DYRK4: variants seen among roughly 807,000 people sequenced by gnomAD.
DYRK4 encodes dual specificity tyrosine-phosphorylation-regulated kinase 4.
A neutral mutation model predicts 68.3 loss-of-function variants in DYRK4; 64 were observed. That is an observed-to-expected ratio of 0.94 (90% confidence interval 0.77 to 1.15). The LOEUF (loss-of-function observed/expected upper bound fraction) is 1.15, where lower values mean the gene tolerates loss of function less well. DYRK4 is among the 50% of genes most tolerant of loss of function. The pLI is 0.00. For missense variants in DYRK4, 740 were observed against 764.7 expected, an observed-to-expected ratio of 0.97 and a Z score of 0.38; for synonymous variants, 274 against 289.9, an observed-to-expected ratio of 0.95 and a Z score of 0.56.
intron 3 of DYRK4, among the ~76,000 whole-genome samples, chr12:4,589,469 C>A (rs1277521716): frequency 6.6e-6 from 1 of 152,214 alleles, no homozygotes; most frequent in Non-Finnish European, 1.5e-5. Context: ...CCCCACCTCT[C>A]CCCTGACCAC....
intron 4 of DYRK4, 164 bp downstream of exon 4, chr12:4,590,604 A>G: frequency 7.5e-7 from 1 of 1,336,982 alleles, no homozygotes. Context: ...AAGCTTGAGC[A>G]AATAAGTCCT....
intron 1 of DYRK4, chr12:4,567,533 A>G (rs1369232327): frequency 6.2e-6 from 1 of 162,408 alleles, no homozygotes; most frequent in African/African-American, 2.4e-5. Flanking sequence ...AGATGCAAAC[A>G]TGGCCAAATG....
In DYRK4 at chr12:4,592,802, G is replaced by A. The variant is rs1457161148; in HGVS notation, c.464-200G>A. The A allele has an allele frequency of 9.2e-6, 5 of 543,552 alleles. No homozygotes were observed. In the Admixed American group the frequency reaches 1.1e-4, roughly 12 times the overall value. 33.7% of individuals were successfully genotyped at this position (543,552 alleles called of 1,614,324 possible). A position where few individuals can be genotyped will look rare whatever the true frequency, so the allele number is the denominator to read the frequency against. ...TGTCCTTGTGTTCCTTTCTCGATTT[G>A]TTGAAATAAATACAAGACCTTGACA... On this transcript the variant is annotated intron_variant, in intron 5 of 14. Transcript: ENST00000543431.
In DYRK4 at chr12:4,613,578, C is replaced by G. The variant is rs746739303; in HGVS notation, c.1730C>G (p.Ser577Ter). Residue 577 changes from serine (S) to a stop codon, truncating the protein, a stop_gained, in exon 15 of 15, where the codon TCA becomes TGA. Coordinates refer to ENST00000543431, the MANE Select transcript of DYRK4 (RefSeq NM_001394779.1). LOFTEE classifies it low-confidence loss of function (END_TRUNC). This position sits in a 1 kb window ranked among gnomAD's most constrained non-coding sequence, Gnocchi z 4.0. ...KDSPTKHVQH[S>*]GDQQDCLQHG... ...AGCCCCACGAAGCATGTTCAGCATT[C>G]AGGTGATCAGCAGGACTGTCTCCAG... The G allele has an allele frequency of 6.2e-7, 1 of 1,614,150 alleles. No homozygotes were observed. The highest frequency in any genetic ancestry group is 1.7e-5 in the Admixed American group (1 of 60,030).
Position 4,593,116 on chromosome 12 carries a change from A to G in DYRK4, c.578A>G (p.Glu193Gly). Residue 193 changes from glutamate to glycine, a missense_variant, in exon 6 of 15, where the codon GAG becomes GGG. By Grantham distance (98) the Glu-to-Gly change is moderately conservative (BLOSUM62 -2). This residue lies in a region of DYRK4 where 614 missense variants were observed against 603.7 expected (regional missense o/e 1.02). Transcript: ENST00000543431. ...GCCAAGAAGCTCGACACGGCTCCTG[A>G]GAAATTTAGCAAGACGAGTTTTGAT... is the stretch of plus-strand genomic sequence containing the variant. ...LEAKKLDTAP[E>G]KFSKTSFDDE... 1 of 1,614,172 alleles carries G rather than the reference A, an allele frequency of 6.2e-7. No homozygotes were observed. The highest frequency in any genetic ancestry group is 8.5e-7 in the Non-Finnish European group (1 of 1,180,036).
intron 10 of DYRK4, 148 bp downstream of exon 10, chr12:4,599,936 A>T: frequency 1.5e-6 from 1 of 645,534 alleles, no homozygotes; most frequent in Non-Finnish European, 2.7e-6. Flanking sequence ...TCTGAGCCCA[A>T]GTTGCCTCAT....
intron 1 of DYRK4, among the ~76,000 whole-genome samples, chr12:4,567,733 C>G (rs10849094): frequency 0.049 from 7,531 of 152,214 alleles, 300 homozygotes; most frequent in South Asian, 0.21. Flanking sequence ...AACTGCTAAT[C>G]ACCTGATTAT....
chr12:4,590,806 C>G, intron 4 of DYRK4: 1 of 401,200 alleles, frequency 2.5e-6, no homozygotes, highest in Non-Finnish European at 4.3e-6. Flanking sequence ...AGAGGCGTCA[C>G]ACACACATAA....
chr12:4,569,235 AT>A (rs1944707568), intron 2 of DYRK4, among the ~76,000 whole-genome samples: 2 of 152,302 alleles, frequency 1.3e-5, no homozygotes, highest in Non-Finnish European at 2.9e-5. Flanking sequence ...TATAGGTGCA[AT>A]TTTTAATACC....
chr12:4,598,412 T>C (rs1223721525), intron 8 of DYRK4, among the ~76,000 whole-genome samples: 3 of 152,238 alleles, frequency 2.0e-5, no homozygotes, highest in Non-Finnish European at 4.4e-5. Flanking sequence ...CAATGCATTG[T>C]ATTAATATTA....
chr12:4,581,836 C>T lies in DYRK4; in HGVS notation c.133-7101C>T, dbSNP rs188699111. On this transcript the variant is annotated intron_variant, in intron 2 of 14. Coordinates refer to ENST00000543431, the MANE Select transcript of DYRK4 (RefSeq NM_001394779.1). ...TACTACAGGTTGAGCATCTCTTATCCGAAATTCTTGGGACCAAAAGTGTTT... is the reference window on the plus strand; with the variant it reads ...TACTACAGGTTGAGCATCTCTTATCTGAAATTCTTGGGACCAAAAGTGTTT... Among the ~76,000 whole-genome samples, 255 of 152,204 alleles carry T rather than the reference C, an allele frequency of 1.7e-3. 2 individuals carry two copies. The highest frequency in any genetic ancestry group is 5.7e-3 in the African/African-American group (236 of 41,508).
intron 8 of DYRK4, chr12:4,597,078 G>T: frequency 8.9e-7 from 1 of 1,120,834 alleles, no homozygotes; most frequent in Non-Finnish European, 1.1e-6. Context: ...TGGCTTTCTG[G>T]CCTGGTCGTG....
intron 2 of DYRK4, among the ~76,000 whole-genome samples, chr12:4,577,826 T>C (rs1944804215): frequency 6.6e-6 from 1 of 152,226 alleles, no homozygotes; most frequent in Admixed American, 6.5e-5. Flanking sequence ...GTAGTTTTTC[T>C]CAGATAGATC....
At chr12:4,606,181 T>C (rs1467272471) in intron 11 of DYRK4, among the ~76,000 whole-genome samples, 1 of 152,204 alleles carries the variant, frequency 6.6e-6, no homozygotes, top group Non-Finnish European at 1.5e-5. Flanking sequence ...GTTTTGGAAA[T>C]AAATTAGACA....
intron 2 of DYRK4, among the ~76,000 whole-genome samples, chr12:4,570,943 C>T (rs1045971861): frequency 2.0e-5 from 3 of 152,144 alleles, no homozygotes; most frequent in Non-Finnish European, 4.4e-5. Context: ...GCTTAGCTGG[C>T]AAGGATCAGA....
intron 10 of DYRK4, among the ~76,000 whole-genome samples, chr12:4,603,831 A>G (rs1945109532): frequency 6.6e-6 from 1 of 152,226 alleles, no homozygotes; most frequent in Admixed American, 6.5e-5. Context: ...CTTGGCTGCC[A>G]AGATGCTCGG....
chr12:4,611,247 G>A (rs1945217065), intron 13 of DYRK4, among the ~76,000 whole-genome samples: 1 of 152,272 alleles, frequency 6.6e-6, no homozygotes, highest in South Asian at 2.1e-4. Flanking sequence ...ATCGTAGGGG[G>A]TCATGCTATT....
chr12:4,565,379 T>C (rs1944665793), intron 1 of DYRK4, among the ~76,000 whole-genome samples: 4 of 152,220 alleles, frequency 2.6e-5, no homozygotes, highest in South Asian at 4.1e-4. Context: ...ATTAAAGAAA[T>C]TTAGACCCCA....
At chr12:4,563,064 T>C in intron 1 of DYRK4, 1 of 456,046 alleles carries the variant, frequency 2.2e-6, no homozygotes. Context: ...CAGGCTTAAG[T>C]GGAGACTCGG....
Sources: gnomAD v4.1 joint callset for allele counts (sites outside exome capture counted in the v4.1 genomes callset) on GRCh38, gnomAD v4.1.1 for gene constraint, gnomAD v4.1.1 regional missense constraint, Gnocchi (gnomAD v3.1) non-coding constraint, MANE v1.5 for transcripts, NCBI Gene and HGNC (gene_info 2026-07-23, HGNC 2026-07-21) for gene names.